PPFIA4: variants seen among roughly 807,000 people sequenced by gnomAD.
PPFIA4 encodes PPFI scaffold protein A4, also known as liprin-alpha-4.
Under a neutral mutation model 145.7 loss-of-function variants are expected in PPFIA4, and 98 were observed. The observed-to-expected ratio is 0.67, with a 90% CI of 0.57 to 0.80. The LOEUF is 0.80. Ranked by LOEUF, PPFIA4 falls within the 30% of genes least tolerant of loss-of-function variation. The pLI, the probability that PPFIA4 is intolerant of heterozygous loss-of-function variation, is 0.00. For synonymous variants in PPFIA4, 628 were observed against 649.6 expected, an observed-to-expected ratio of 0.97 and a Z score of 0.51; for missense variants, 1,457 against 1,632.7, an observed-to-expected ratio of 0.89 and a Z score of 1.85.
At position 203,044,705 on chromosome 1, in the gene PPFIA4, C is replaced by T; in HGVS notation, c.586C>T (p.Leu196=). Residue 196 remains leucine (L), a synonymous_variant, in exon 6 of 30, where the codon CTG becomes TTG. Coordinates refer to ENST00000295706, the MANE Select transcript of PPFIA4 (RefSeq NM_001304331.2). ...GGCTTGTGCCCTACAGGTGTCTGCC[C>T]TGCAGCAGGGGGCAGGGGTGCGGGA... The part of the protein sequence containing the change: ...LAGAHQQVSA[L]QQGAGVRDGA... 1 of 1,556,182 alleles carries T rather than the reference C, an allele frequency of 6.4e-7. No homozygotes were observed. The highest frequency in any genetic ancestry group is 1.9e-5 in the Admixed American group (1 of 51,366).
chr1:203,049,002 C>T lies in PPFIA4; in HGVS notation c.1419+22C>T, dbSNP rs553333677. On this transcript the variant is annotated intron_variant, in intron 12 of 29. Coordinates refer to ENST00000295706, the MANE Select transcript of PPFIA4 (RefSeq NM_001304331.2). Reference sequence around the variant, plus strand: ...CAAGGTACCCGGCTGCGGCCAGCCCCGCCCAGCCTGGGAGGGCCGGGTTGC... The same window carrying T: ...CAAGGTACCCGGCTGCGGCCAGCCCTGCCCAGCCTGGGAGGGCCGGGTTGC... 1.4e-4 allele frequency: 212 copies of T among 1,545,746 alleles called. 3 individuals are homozygous for T. The African/African-American group carries it at 1.6e-3, about 12-fold the overall frequency.
intron 17 of PPFIA4, 99 bp downstream of exon 17, chr1:203,056,254 C>G: frequency 6.2e-7 from 1 of 1,601,468 alleles, no homozygotes; most frequent in Non-Finnish European, 8.5e-7. Context: ...TGAGTCTGAA[C>G]TCAGAGAGGC....
chr1:203,032,731 G>A (rs1218213861), intron 1 of PPFIA4, among the ~76,000 whole-genome samples: 2 of 151,516 alleles, frequency 1.3e-5, no homozygotes, highest in African/African-American at 2.4e-5. Context: ...AGAGGCATGA[G>A]CTACCATGCC....
intron 27 of PPFIA4, among the ~76,000 whole-genome samples, chr1:203,070,175 G>A (rs1250889911): frequency 6.6e-6 from 1 of 152,146 alleles, no homozygotes; most frequent in Non-Finnish European, 1.5e-5. Flanking sequence ...GTAAATAGTA[G>A]CAGGGACACC....
rs1233679420 is a variant in PPFIA4, at chr1:203,071,579, C to T, written c.3325-113C>T. 7.5e-6 allele frequency: 6 copies of T among 801,574 alleles called. No homozygotes were observed. In the Admixed American group the frequency reaches 1.1e-4, roughly 14 times the overall value. 49.7% of individuals were successfully genotyped at this position (801,574 alleles called of 1,614,324 possible). ...GTAAAGGCCTCTAATGGGCTAAATGCACTGGAGCCTTGCATCTCTGACCTT... is the reference window on the plus strand; with the variant it reads ...GTAAAGGCCTCTAATGGGCTAAATGTACTGGAGCCTTGCATCTCTGACCTT... On this transcript the variant is annotated intron_variant, in intron 27 of 29. Coordinates refer to ENST00000295706, the MANE Select transcript of PPFIA4 (RefSeq NM_001304331.2).
chr1:203,042,845 G>A (rs937746004), intron 2 of PPFIA4, among the ~76,000 whole-genome samples: 1 of 152,118 alleles, frequency 6.6e-6, no homozygotes, highest in African/African-American at 2.4e-5. Context: ...CACCATGTTG[G>A]CCAGACTGGT....
chr1:203,063,775 T>A, intron 24 of PPFIA4, 53 bp from the exon 25 acceptor site: 1 of 1,597,430 alleles, frequency 6.3e-7, no homozygotes, highest in Non-Finnish European at 8.6e-7. Context: ...AGCCTCAGCC[T>A]GCTGGCTCTA....
At chr1:203,070,932 G>A (rs1311579205) in intron 27 of PPFIA4, among the ~76,000 whole-genome samples, 2 of 149,950 alleles carry the variant, frequency 1.3e-5, no homozygotes, top group Non-Finnish European at 3.0e-5. Context: ...CTTTATCTAT[G>A]TGTTCTATGA....
At chr1:203,049,036 A>G (rs1397928347) in intron 12 of PPFIA4, 56 bp downstream of exon 12, 19 of 1,502,942 alleles carry the variant, frequency 1.3e-5, no homozygotes, top group Non-Finnish European at 1.7e-5. Context: ...GCAGGGAGGA[A>G]AGGACACCCT....
chr1:203,066,937 A>G (rs749070325), intron 25 of PPFIA4, among the ~76,000 whole-genome samples: 5 of 152,222 alleles, frequency 3.3e-5, no homozygotes, highest in Non-Finnish European at 7.3e-5. Context: ...AATAGACAAA[A>G]CATGCTAGGA....
In PPFIA4 at chr1:203,060,516, C is replaced by A; in HGVS notation, c.2784+99C>A. The A allele has an allele frequency of 8.1e-7, 1 of 1,227,464 alleles. No homozygotes were observed. Among genetic ancestry groups the A allele is most frequent in the Non-Finnish European group, 1.2e-6 (1 of 859,158 alleles). The allele number at this position is 1,227,464 out of a possible 1,614,324, so 76.0% of individuals were successfully genotyped here. The stretch of plus-strand genomic sequence containing the variant: ...TTTGGGAAGATGGCAGCATTGAGCC[C>A]TGCCCCTTCCTTCCCATCCTCACAA... On this transcript the variant is annotated intron_variant, in intron 22 of 29. Coordinates refer to ENST00000295706, the MANE Select transcript of PPFIA4 (RefSeq NM_001304331.2). The surrounding 1 kb of genome is among the most constrained non-coding windows in gnomAD (Gnocchi z 4.8).
chr1:203,037,253 C>T (rs1343937507), intron 1 of PPFIA4: 2 of 306,868 alleles, frequency 6.5e-6, no homozygotes, highest in Admixed American at 7.1e-5. Context: ...TCAGTCCTGC[C>T]ACAGGCCTGT....
In PPFIA4 at chr1:203,060,429, C is replaced by A. The variant is rs759048677; in HGVS notation, c.2784+12C>A. ...CCACCTCCAGGACTGTGAGTGGCCCCTCCTTTGCCCAGGACATTTTCAGAG... is the reference window on the plus strand; with the variant it reads ...CCACCTCCAGGACTGTGAGTGGCCCATCCTTTGCCCAGGACATTTTCAGAG... On this transcript the variant is annotated intron_variant, in intron 22 of 29. Transcript: ENST00000295706. This position sits in a 1 kb window ranked among gnomAD's most constrained non-coding sequence, Gnocchi z 4.8. 6.2e-7 allele frequency: 1 copy of A among 1,611,228 alleles called. No individual in the cohort carries two copies. Among genetic ancestry groups the A allele is most frequent in the Admixed American group, 1.7e-5 (1 of 60,026 alleles).
intron 27 of PPFIA4, among the ~76,000 whole-genome samples, chr1:203,069,894 C>T (rs1237769730): frequency 6.6e-6 from 1 of 152,090 alleles, no homozygotes; most frequent in Non-Finnish European, 1.5e-5. Context: ...TGCCACTTTG[C>T]TGCCCACTCA....
rs750543162 is a variant in PPFIA4 at position 203,045,572 on chromosome 1, G to T, written c.858+13G>T. 1.9e-6 allele frequency: 3 copies of T among 1,562,968 alleles called. No homozygotes were observed. Among genetic ancestry groups the T allele is most frequent in the Non-Finnish European group, 2.6e-6 (3 of 1,154,910 alleles). On this transcript the variant is annotated intron_variant, in intron 7 of 29. Coordinates refer to ENST00000295706, the MANE Select transcript of PPFIA4 (RefSeq NM_001304331.2). ...GGACCTCCGGGAGGTGCGTGAGGGC[G>T]CAGGCCTGCTCTGTGACCTCATTGT...
intron 1 of PPFIA4, chr1:203,035,303 G>A (rs968539688): frequency 2.0e-5 from 9 of 456,718 alleles, no homozygotes; most frequent in East Asian, 6.9e-5. Flanking sequence ...AGCTCTCTCC[G>A]TGGCCAGGCC....
chr1:203,049,370 G>T (rs1660326738), intron 12 of PPFIA4, among the ~76,000 whole-genome samples: 1 of 152,308 alleles, frequency 6.6e-6, no homozygotes, highest in Middle Eastern at 3.4e-3. Flanking sequence ...CTGCTGCCCA[G>T]CCTCATCTGC....
Position 203,056,780 on chromosome 1 carries a change from G to A in PPFIA4, c.2241-4G>A. ...TCCGCCCCCTTCTGGCTGTCACCCT[G>A]TAGTGCCTTGGAGGATCAGGGCAGC... On this transcript the variant is annotated splice_polypyrimidine_tract_variant and splice_region_variant and intron_variant, in intron 18 of 29. Transcript: ENST00000295706. The A allele has an allele frequency of 6.3e-7, 1 of 1,598,786 alleles. No homozygotes were observed.
chr1:203,068,580 C>A lies in PPFIA4; in HGVS notation c.3276C>A (p.Asp1092Glu). Residue 1092 changes from aspartate (D) to glutamate (E), a missense_variant, in exon 27 of 30, where the codon GAC becomes GAA. Around this residue, in one of 3 missense-constraint regions of PPFIA4, gnomAD observed 848 missense variants for 1,046.7 expected, o/e 0.81. Coordinates refer to ENST00000295706, the MANE Select transcript of PPFIA4 (RefSeq NM_001304331.2). The surrounding 1 kb of genome is among the most constrained non-coding windows in gnomAD (Gnocchi z 4.7). ...TGCTGGCCCTGGACGAGAACTTCGA[C>A]CACAACACACTGGCCCTGATCCTCC... ...GALLALDENF[D>E]HNTLALILQI... The A allele has an allele frequency of 6.3e-7, 1 of 1,593,044 alleles. No homozygotes were observed. Among genetic ancestry groups the A allele is most frequent in the Non-Finnish European group, 8.5e-7 (1 of 1,170,412 alleles).
Sources: gnomAD v4.1 joint callset for allele counts (sites outside exome capture counted in the v4.1 genomes callset) on GRCh38, gnomAD v4.1.1 for gene constraint, gnomAD v4.1.1 regional missense constraint, Gnocchi (gnomAD v3.1) non-coding constraint, MANE v1.5 for transcripts, NCBI Gene and HGNC (gene_info 2026-07-23, HGNC 2026-07-21) for gene names.